The following NALF1 variants were observed in gnomAD, a reference collection of about 807,000 sequenced individuals.
NALF1 encodes NALCN channel auxiliary factor 1, also known as family with sequence similarity 155 member A.
A neutral mutation model predicts 48.4 loss-of-function variants in NALF1; 3 were observed. The ratio of observed to expected loss-of-function variants is 0.06; its 90% CI spans 0.03 to 0.16. The LOEUF (loss-of-function observed/expected upper bound fraction) is 0.16. Ranked by LOEUF, NALF1 falls within the 10% of genes least tolerant of loss-of-function variation. The probability of loss-of-function intolerance (pLI) is 1.00; values close to 1 mark genes in which losing one functional copy is unlikely to be tolerated. For missense variants in NALF1, 526 were observed against 571.5 expected (o/e 0.92, Z 0.81); for synonymous variants, 262 against 245.7 (o/e 1.07, Z -0.62).
At chr13:107,427,149 C>A (rs1884294530) in intron 1 of NALF1, among the ~76,000 whole-genome samples, 2 of 151,408 alleles carry the variant, frequency 1.3e-5, no homozygotes, top group Admixed American at 1.3e-4. Context: ...AAAAAATAGG[C>A]ATATTGACAT....
chr13:107,593,447 T>A (rs892565062), intron 1 of NALF1, among the ~76,000 whole-genome samples: 1 of 151,982 alleles, frequency 6.6e-6, no homozygotes, highest in Admixed American at 6.6e-5. Flanking sequence ...TACATGGTAC[T>A]AGGTCATTAT....
At chr13:107,462,166 A>T (rs1454531788) in intron 1 of NALF1, among the ~76,000 whole-genome samples, 1 of 151,956 alleles carries the variant, frequency 6.6e-6, no homozygotes, top group Non-Finnish European at 1.5e-5. Context: ...GTTAAAGATC[A>T]TTTTTTTTGT....
At chr13:107,773,776 C>T (rs1216159382) in intron 1 of NALF1, among the ~76,000 whole-genome samples, 5 of 149,642 alleles carry the variant, frequency 3.3e-5, no homozygotes, top group Non-Finnish European at 7.4e-5. Flanking sequence ...ATACCTAATG[C>T]TAAATGACGA....
intron 1 of NALF1, among the ~76,000 whole-genome samples, chr13:107,710,688 C>T (rs1365403299): frequency 6.7e-6 from 1 of 150,344 alleles, no homozygotes; most frequent in Non-Finnish European, 1.5e-5. Flanking sequence ...ATCCAATCGC[C>T]TCCCACCAGG....
At chr13:107,430,864 G>C (rs2139016848) in intron 1 of NALF1, among the ~76,000 whole-genome samples, 1 of 152,242 alleles carries the variant, frequency 6.6e-6, no homozygotes, top group African/African-American at 2.4e-5. Context: ...AGATCCCTGA[G>C]GAATCGCCAC....
intron 2 of NALF1, among the ~76,000 whole-genome samples, chr13:107,180,355 T>G (rs1879036110): frequency 6.6e-6 from 1 of 152,028 alleles, no homozygotes; most frequent in South Asian, 2.1e-4. Context: ...TTTCGTTATA[T>G]CTAAGGAATA....
At chr13:107,371,287 AAAT>A (rs1306071853) in intron 1 of NALF1, among the ~76,000 whole-genome samples, 1 of 151,980 alleles carries the variant, frequency 6.6e-6, no homozygotes, top group African/African-American at 2.4e-5. Context: ...TCTCTACAAA[AAAT>A]TGAAAAATTA....
Position 107,311,849 on chromosome 13 carries a change from A to C in NALF1, c.916-101094T>G, listed in dbSNP as rs535378524. Among the ~76,000 whole-genome samples the C allele has an allele frequency of 4.2e-4, 64 of 152,332 alleles. No homozygotes were observed. The South Asian group carries it at 0.012, about 30-fold the overall frequency. On this transcript the variant is annotated intron_variant, in intron 1 of 2. Transcript: ENST00000375915. ...CTCATCATCACTGGCCATCAGAGAAATGCAAATCAAAACCACAATGAGATA... is the reference window on the plus strand; with the variant it reads ...CTCATCATCACTGGCCATCAGAGAACTGCAAATCAAAACCACAATGAGATA...
intron 1 of NALF1, among the ~76,000 whole-genome samples, chr13:107,787,157 AC>A (rs975441049): frequency 3.6e-4 from 55 of 152,334 alleles, no homozygotes; most frequent in African/African-American, 1.3e-3. Flanking sequence ...AACTATCATC[AC>A]TATTCATTAC....
chr13:107,710,809 A>G (rs1037206023), intron 1 of NALF1, among the ~76,000 whole-genome samples: 3 of 64,420 alleles, frequency 4.7e-5, no homozygotes, highest in African/African-American at 1.0e-4. Flanking sequence ...ATATATACAT[A>G]TATGTGTATA....
At chr13:107,351,019 C>T (rs1882863041) in intron 1 of NALF1, among the ~76,000 whole-genome samples, 1 of 152,204 alleles carries the variant, frequency 6.6e-6, no homozygotes, top group Admixed American at 6.5e-5. Context: ...AAGGAGACAT[C>T]GTTGAACTCT....
At chr13:107,753,430 TTTG>T (rs141088709) in intron 1 of NALF1, among the ~76,000 whole-genome samples, 3 of 151,510 alleles carry the variant, frequency 2.0e-5, no homozygotes, top group Non-Finnish European at 4.4e-5. Flanking sequence ...ACAAATCTTC[TTTG>T]TTGTTGTTGT....
intron 1 of NALF1, among the ~76,000 whole-genome samples, chr13:107,863,502 AC>A (rs1218752999): frequency 6.6e-6 from 1 of 152,196 alleles, no homozygotes; most frequent in Admixed American, 6.5e-5. Flanking sequence ...CAACAAAAAA[AC>A]ACCCCACAAC....
At chr13:107,689,176 C>T (rs920246382) in intron 1 of NALF1, among the ~76,000 whole-genome samples, 2 of 152,202 alleles carry the variant, frequency 1.3e-5, no homozygotes, top group Non-Finnish European at 2.9e-5. Context: ...GATCTGCGCG[C>T]TAGTAGGCAG....
intron 1 of NALF1, among the ~76,000 whole-genome samples, chr13:107,795,137 C>T (rs1215320771): frequency 6.6e-6 from 1 of 152,122 alleles, no homozygotes; most frequent in Non-Finnish European, 1.5e-5. Context: ...CACATGCATT[C>T]GCAGTTTCTA....
chr13:107,257,686 C>T (rs1362254145), intron 1 of NALF1, among the ~76,000 whole-genome samples: 1 of 152,090 alleles, frequency 6.6e-6, no homozygotes, highest in East Asian at 1.9e-4. Flanking sequence ...GGTGGCCAGG[C>T]ATGTGCAGGT....
chr13:107,501,306 G>C (rs1056593802), intron 1 of NALF1, among the ~76,000 whole-genome samples: 1 of 152,060 alleles, frequency 6.6e-6, no homozygotes, highest in African/African-American at 2.4e-5. Flanking sequence ...CAACACCACA[G>C]CGTGGGGGAT....
intron 2 of NALF1, among the ~76,000 whole-genome samples, chr13:107,173,676 G>A (rs1440167416): frequency 6.6e-6 from 1 of 152,064 alleles, no homozygotes; most frequent in African/African-American, 2.4e-5. Flanking sequence ...TCCTTTTGAG[G>A]GTTTACAACC....
At chr13:107,638,074 G>GAC (rs1880033748) in intron 1 of NALF1, among the ~76,000 whole-genome samples, 1 of 151,366 alleles carries the variant, frequency 6.6e-6, no homozygotes, top group African/African-American at 2.4e-5. Context: ...CCTCATAAGT[G>GAC]ACATCTAAAA....
Sources: gnomAD v4.1 joint callset for allele counts (sites outside exome capture counted in the v4.1 genomes callset) on GRCh38, gnomAD v4.1.1 for gene constraint, MANE v1.5 for transcripts, NCBI Gene and HGNC (gene_info 2026-07-23, HGNC 2026-07-21) for gene names.